Variants in PEMT observed in about 807,000 individuals in gnomAD.
PEMT encodes the protein phosphatidylethanolamine N-methyltransferase, also known as phospholipid methyltransferase.
A neutral mutation model predicts 27.4 loss-of-function variants in PEMT; 23 were observed. That is an observed-to-expected ratio of 0.84 (90% confidence interval 0.60 to 1.19). PEMT has a LOEUF of 1.19. PEMT is among the 50% of genes most tolerant of loss of function. PEMT has a pLI of 0.00. For missense variants in PEMT, 307 were observed against 310.1 expected (o/e 0.99, Z 0.07); for synonymous variants, 137 against 139.1 (o/e 0.98, Z 0.11).
intron 2 of PEMT, among the ~76,000 whole-genome samples, chr17:17,574,871 T>G (rs1472867356): frequency 6.6e-6 from 1 of 152,144 alleles, no homozygotes; most frequent in Non-Finnish European, 1.5e-5. Flanking sequence ...GGCAGGGACC[T>G]CCTCCGGCTG....
At chr17:17,574,242 A>C (rs1911413315) in intron 2 of PEMT, among the ~76,000 whole-genome samples, 1 of 104,462 alleles carries the variant, frequency 9.6e-6, no homozygotes, top group Admixed American at 1.0e-4. Context: ...AAAGCTTATG[A>C]CCAAAAAAAA....
chr17:17,568,603 C>T (rs1358406882), intron 2 of PEMT, among the ~76,000 whole-genome samples: 1 of 152,176 alleles, frequency 6.6e-6, no homozygotes, highest in African/African-American at 2.4e-5. Context: ...GACAAGGGTA[C>T]AGGGCCTGGG....
rs577453204 is a variant in PEMT at position 17,579,516 on chromosome 17, A to G, written c.97-2489T>C. 3.9e-5 allele frequency among the ~76,000 whole-genome samples: 6 copies of G among 152,298 alleles called. No homozygotes were observed. In the East Asian group the frequency reaches 1.2e-3, roughly 29 times the overall value. ...AACATAGTGAAACCCCGTCTCTACT[A>G]AAAACACAAAAATTAGCTGGGCGTG... On this transcript the variant is annotated intron_variant, in intron 1 of 6. Transcript: ENST00000255389.
intron 1 of PEMT, among the ~76,000 whole-genome samples, chr17:17,581,348 G>C (rs1911968261): frequency 6.6e-6 from 1 of 152,150 alleles, no homozygotes; most frequent in Non-Finnish European, 1.5e-5. Flanking sequence ...CACCCTAAAA[G>C]TAAAGCCTTG....
chr17:17,572,187 C>T (rs1377563529), intron 2 of PEMT, among the ~76,000 whole-genome samples: 1 of 152,260 alleles, frequency 6.6e-6, no homozygotes, highest in Non-Finnish European at 1.5e-5. Context: ...ACTGCTCCCA[C>T]CTCCGCCAGT....
chr17:17,505,840 G>A lies in PEMT; in HGVS notation c.662C>T (p.Thr221Ile), dbSNP rs772103277. The stretch of plus-strand genomic sequence containing the variant: ...GGCTTTCTGCCGGTAGATCTCAGCG[G>A]TGAAGGGCCTGCCGGGCAGCGGGGA... ...IVALLYEEPF[T>I]AEIYRQKASG... Residue 221 changes from threonine to isoleucine, a missense_variant, in exon 7 of 7, where the codon ACC becomes ATC. Coordinates refer to ENST00000255389, the MANE Select transcript of PEMT (RefSeq NM_148172.3). 1.9e-6 allele frequency: 3 copies of A among 1,610,692 alleles called. No individual in the cohort carries two copies. The South Asian group carries it at 3.3e-5, about 18-fold the overall frequency.
At chr17:17,566,028 C>T (rs576581851) in intron 2 of PEMT, among the ~76,000 whole-genome samples, 1 of 152,346 alleles carries the variant, frequency 6.6e-6, no homozygotes, top group Admixed American at 6.5e-5. Context: ...GGGGCAGAGG[C>T]TGCTCCTCCA....
At chr17:17,578,051 C>T (rs1265820052) in intron 1 of PEMT, among the ~76,000 whole-genome samples, 1 of 150,736 alleles carries the variant, frequency 6.6e-6, no homozygotes, top group Non-Finnish European at 1.5e-5. Context: ...GGTCTACACA[C>T]AGCACTGTGA....
chr17:17,544,301 A>G (rs1313229605), intron 2 of PEMT, among the ~76,000 whole-genome samples: 18 of 148,508 alleles, frequency 1.2e-4, no homozygotes, highest in African/African-American at 4.0e-4. Context: ...TTTTTTTTAG[A>G]CGGAGTTTTG....
chr17:17,519,647 T>C (rs367811953), intron 3 of PEMT, among the ~76,000 whole-genome samples: 131 of 152,266 alleles, frequency 8.6e-4, no homozygotes, highest in African/African-American at 3.1e-3. Context: ...TCCAGGGCCC[T>C]CTACTCTCTG....
rs116807874 is a variant in PEMT at position 17,571,023 on chromosome 17, T to C, written c.204+5897A>G. On this transcript the variant is annotated intron_variant, in intron 2 of 6. Coordinates refer to ENST00000255389, the MANE Select transcript of PEMT (RefSeq NM_148172.3). ...GCCACAGTGCCTGGACCCAAGGTCC[T>C]GAAGCCCTGAGGAGTCCAGGCCACA... 1.7e-3 allele frequency: 822 copies of C among 490,852 alleles called. 7 individuals are homozygous for C. Among genetic ancestry groups the C allele is most frequent in the African/African-American group, 0.015 (726 of 47,806 alleles). The allele number at this position is 490,852 out of a possible 1,614,324, so 30.4% of individuals were successfully genotyped here. A position where few individuals can be genotyped will look rare whatever the true frequency, so the allele number is the denominator to read the frequency against.
At chr17:17,591,157 C>G (rs1484428053) in intron 1 of PEMT, among the ~76,000 whole-genome samples, 1 of 151,704 alleles carries the variant, frequency 6.6e-6, no homozygotes, top group East Asian at 1.9e-4. Context: ...GTCATACACA[C>G]TCACACTCAC....
chr17:17,526,769 T>G lies in PEMT; in HGVS notation c.205-4374A>C, dbSNP rs1356408756. Among the ~76,000 whole-genome samples the G allele has an allele frequency of 3.3e-5, 5 of 152,252 alleles. No homozygotes were observed. The East Asian group carries it at 9.6e-4, about 29-fold the overall frequency. On this transcript the variant is annotated intron_variant, in intron 2 of 6. Coordinates refer to ENST00000255389, the MANE Select transcript of PEMT (RefSeq NM_148172.3). Reference sequence around the variant, plus strand: ...AGAGGTTGTAACTGGCAGCCCAAGATGTGTTCTGGTCAAACTCATAGCATG... The same window carrying G: ...AGAGGTTGTAACTGGCAGCCCAAGAGGTGTTCTGGTCAAACTCATAGCATG...
At chr17:17,531,989 T>A in intron 2 of PEMT, among the ~76,000 whole-genome samples, 1 of 152,202 alleles carries the variant, frequency 6.6e-6, no homozygotes, top group Non-Finnish European at 1.5e-5. Context: ...CTTGAGGGAC[T>A]TATATCAAAA....
intron 1 of PEMT, among the ~76,000 whole-genome samples, chr17:17,586,197 G>GGAAA (rs202134365): frequency 5.6e-5 from 6 of 106,996 alleles, no homozygotes; most frequent in Admixed American, 2.1e-4. Flanking sequence ...AAAGAAGGAA[G>GGAAA]GAAAGAAAGA....
intron 2 of PEMT, among the ~76,000 whole-genome samples, chr17:17,562,109 T>G (rs73298555): frequency 0.028 from 4,238 of 152,248 alleles, 153 homozygotes; most frequent in African/African-American, 0.083. Context: ...TTTCCTGCCA[T>G]GATGCATCCA....
At chr17:17,565,518 C>G (rs1436399686) in intron 2 of PEMT, among the ~76,000 whole-genome samples, 2 of 152,256 alleles carry the variant, frequency 1.3e-5, no homozygotes, top group African/African-American at 2.4e-5. Flanking sequence ...CTAAGTCTCA[C>G]TGTGCCACGC....
Position 17,591,551 on chromosome 17 carries a change from C to A in PEMT, c.76G>T (p.Gly26Cys), listed in dbSNP as rs1241079530. ...AGTACCTGTCTAAAATCAATATTGC[C>A]GAGGCCTCCGCAGCAGTCAGGCCCT... The part of the protein sequence containing the change: ...VAGPDCCGGL[G>C]NIDFRQADFC... Residue 26 changes from glycine to cysteine, a missense_variant, in exon 1 of 7, where the codon GGC becomes TGC. Gly to Cys is a radical substitution (Grantham distance 159). Transcript: ENST00000255389. 1.9e-6 allele frequency: 3 copies of A among 1,613,334 alleles called. No homozygotes were observed. The African/African-American group carries it at 4.0e-5, about 22-fold the overall frequency.
chr17:17,560,442 C>T (rs1335313915), intron 2 of PEMT, among the ~76,000 whole-genome samples: 2 of 152,204 alleles, frequency 1.3e-5, no homozygotes, highest in Non-Finnish European at 2.9e-5. Context: ...CAGAGGTTAT[C>T]GGAAAAGGAG....
Sources: gnomAD v4.1 joint callset for allele counts (sites outside exome capture counted in the v4.1 genomes callset) on GRCh38, gnomAD v4.1.1 for gene constraint, MANE v1.5 for transcripts, NCBI Gene and HGNC (gene_info 2026-07-23, HGNC 2026-07-21) for gene names.